Variants in LIMCH1 observed in about 807,000 individuals in gnomAD.
The protein encoded by LIMCH1 is LIM and calponin homology domains 1, also known as LIM and calponin homology domains-containing protein 1.
LIMCH1 carries 113 observed loss-of-function variants against 176.5 expected under a neutral mutation model. The ratio of observed to expected loss-of-function variants is 0.64; its 90% CI spans 0.55 to 0.75. The LOEUF is 0.75. LIMCH1 is among the 30% of genes least tolerant of loss of function. LIMCH1 has a pLI of 0.00. For missense variants in LIMCH1, 1,674 were observed against 1,814.9 expected (o/e 0.92, Z 1.41); for synonymous variants, 619 against 645.9 (o/e 0.96, Z 0.63).
chr4:41,397,353 G>A (rs913835398), intron 1 of LIMCH1, among the ~76,000 whole-genome samples: 1 of 152,114 alleles, frequency 6.6e-6, no homozygotes, highest in African/African-American at 2.4e-5. Context: ...ATATATCCTC[G>A]TTGTTTGAGA....
intron 4 of LIMCH1, among the ~76,000 whole-genome samples, chr4:41,610,449 T>C (rs1281841993): frequency 6.6e-6 from 1 of 152,188 alleles, no homozygotes; most frequent in Non-Finnish European, 1.5e-5. Context: ...AGTGTCAGGA[T>C]GTGTAGAAAG....
chr4:41,450,017 C>A (rs948178314), intron 1 of LIMCH1, among the ~76,000 whole-genome samples: 14 of 152,284 alleles, frequency 9.2e-5, no homozygotes, highest in Middle Eastern at 6.8e-3. Flanking sequence ...CCACCTTATT[C>A]CAGTGTGACC....
intron 4 of LIMCH1, among the ~76,000 whole-genome samples, chr4:41,608,204 C>A (rs564511986): frequency 6.6e-6 from 1 of 152,148 alleles, no homozygotes; most frequent in Non-Finnish European, 1.5e-5. Flanking sequence ...CAGGCTTTAG[C>A]CATCATGTCC....
chr4:41,426,050 C>T (rs1341554196), intron 1 of LIMCH1, among the ~76,000 whole-genome samples: 1 of 119,340 alleles, frequency 8.4e-6, no homozygotes, highest in African/African-American at 3.3e-5. Context: ...GAGACGGAGT[C>T]TCGCTCTGTC....
At chr4:41,604,219 A>G (rs1043462962) in intron 3 of LIMCH1, 30 of 984,984 alleles carry the variant, frequency 3.0e-5, no homozygotes, top group Non-Finnish European at 3.6e-5. Context: ...GCCCCTTTCC[A>G]TTTGTAGGCA....
intron 4 of LIMCH1, among the ~76,000 whole-genome samples, chr4:41,612,041 T>C (rs1491002727): frequency 6.6e-6 from 1 of 152,184 alleles, no homozygotes; most frequent in East Asian, 1.9e-4. Flanking sequence ...ACCCAGGCCA[T>C]TTGACAACCT....
intron 5 of LIMCH1, 103 bp from the exon 6 acceptor site, chr4:41,619,085 C>G (rs2092364615): frequency 3.1e-6 from 4 of 1,305,698 alleles, no homozygotes; most frequent in Non-Finnish European, 4.3e-6. Context: ...AAGAAGGAAT[C>G]CTCAGAACCC....
At chr4:41,680,136 C>A (rs775061360) in intron 24 of LIMCH1, 38 bp downstream of exon 24, 1 of 1,384,738 alleles carries the variant, frequency 7.2e-7, no homozygotes, top group East Asian at 2.4e-5. Flanking sequence ...CCTTGTCATC[C>A]CAATTCCTCA....
At chr4:41,535,187 AAAG>A (rs1383330921), upstream of LIMCH1, among the ~76,000 whole-genome samples, 1 of 151,156 alleles carries the variant, frequency 6.6e-6, no homozygotes, top group African/African-American at 2.4e-5. Flanking sequence ...AAAAAAAAGA[AAAG>A]AAAAGAAAGA....
intron 1 of LIMCH1, among the ~76,000 whole-genome samples, chr4:41,548,984 T>A (rs28623346): frequency 0.25 from 37,356 of 151,996 alleles, 7,406 homozygotes; most frequent in African/African-American, 0.55. Context: ...AAGATAAAAC[T>A]GAATGATTGC....
At chr4:41,567,780 T>C (rs534080387) in intron 1 of LIMCH1, among the ~76,000 whole-genome samples, 1 of 152,292 alleles carries the variant, frequency 6.6e-6, no homozygotes, top group East Asian at 1.9e-4. Context: ...AATAAATAGC[T>C]CTTTTTTTAG....
intron 1 of LIMCH1, among the ~76,000 whole-genome samples, chr4:41,369,857 C>T (rs1422035497): frequency 6.6e-6 from 1 of 150,922 alleles, no homozygotes; most frequent in Non-Finnish European, 1.5e-5. Flanking sequence ...TGAGTCTGTG[C>T]CCAGCTACGG....
Position 41,632,700 on chromosome 4 carries a change from C to T in LIMCH1, c.1602-49C>T, listed in dbSNP as rs903213982. 3.5e-6 allele frequency: 5 copies of T among 1,425,826 alleles called. No homozygotes were observed. The African/African-American group carries it at 4.3e-5, about 12-fold the overall frequency. 88.3% of individuals were successfully genotyped at this position (1,425,826 alleles called of 1,614,324 possible). Reference sequence around the variant, plus strand: ...GGACTTTCACTGTCTTCTTTCGTAACCCATGTTCCTCTCCTCTCTTGCCAC... The same window carrying T: ...GGACTTTCACTGTCTTCTTTCGTAATCCATGTTCCTCTCCTCTCTTGCCAC... On this transcript the variant is annotated intron_variant, in intron 10 of 31. Transcript: ENST00000503057.
intron 1 of LIMCH1, among the ~76,000 whole-genome samples, chr4:41,570,398 C>T (rs936940360): frequency 6.6e-6 from 1 of 152,204 alleles, no homozygotes; most frequent in Admixed American, 6.5e-5. Context: ...CAACAGGAGC[C>T]TTTGAATCTG....
Position 41,596,048 on chromosome 4 carries a change from C to CAAAAAAAAAAAA in LIMCH1, c.-240-2870_-240-2859dup, listed in dbSNP as rs1452167402. ...TGGGTGACAGAGTGAGACTCCATCT[C>CAAAAAAAAAAAA]AAAAAAAAAAAAATAAAAAAGTTCA... is the stretch of plus-strand genomic sequence containing the variant. On this transcript the variant is annotated intron_variant, in intron 1 of 31. Transcript: ENST00000503057. 2.2e-4 allele frequency among the ~76,000 whole-genome samples: 22 copies of CAAAAAAAAAAAA among 100,668 alleles called. 1 individual carries two copies. The highest frequency in any genetic ancestry group is 1.5e-3 in the African/African-American group (21 of 14,466). 66.0% of individuals were successfully genotyped at this position (100,668 alleles called of 152,430 possible).
intron 1 of LIMCH1, among the ~76,000 whole-genome samples, chr4:41,368,025 A>G (rs533404886): frequency 1.3e-5 from 2 of 152,304 alleles, no homozygotes; most frequent in East Asian, 1.9e-4. Context: ...AACTGAAGTT[A>G]TATTTATTGC....
chr4:41,603,845 C>T, intron 2 of LIMCH1, 30 bp from the exon 3 acceptor site: 1 of 1,558,588 alleles, frequency 6.4e-7, no homozygotes, highest in Non-Finnish European at 8.8e-7. Context: ...GCTATTCTGA[C>T]AATATTTTCT....
intron 8 of LIMCH1, among the ~76,000 whole-genome samples, chr4:41,627,989 A>C (rs142340823): frequency 6.6e-6 from 1 of 152,298 alleles, no homozygotes; most frequent in African/African-American, 2.4e-5. Flanking sequence ...TTTTCTTAGG[A>C]AGTACCAGAT....
intron 13 of LIMCH1, among the ~76,000 whole-genome samples, chr4:41,637,632 A>G (rs980528920): frequency 1.1e-4 from 16 of 152,258 alleles, no homozygotes; most frequent in African/African-American, 3.6e-4. Context: ...TGCCAGAAGA[A>G]AAACATTCAT....
Sources: gnomAD v4.1 joint callset for allele counts (sites outside exome capture counted in the v4.1 genomes callset) on GRCh38, gnomAD v4.1.1 for gene constraint, MANE v1.5 for transcripts, NCBI Gene and HGNC (gene_info 2026-07-23, HGNC 2026-07-21) for gene names.